Variants in FRYL observed in about 807,000 individuals in gnomAD.
FRYL encodes protein furry homolog-like.
Under a neutral mutation model 351.2 loss-of-function variants are expected in FRYL, and 150 were observed. The ratio of observed to expected loss-of-function variants is 0.43; its 90% CI spans 0.37 to 0.49. FRYL has a LOEUF of 0.49. Among genes scored for constraint, FRYL ranks in the 20% least tolerant of loss-of-function variants. The pLI, the probability that FRYL is intolerant of heterozygous loss-of-function variation, is 0.00. For missense variants in FRYL, 3,036 were observed against 3,619.3 expected (o/e 0.84, Z 4.13); for synonymous variants, 1,153 against 1,257.1 (o/e 0.92, Z 1.75).
intron 13 of FRYL, among the ~76,000 whole-genome samples, chr4:48,597,240 G>A (rs1175337140): frequency 1.3e-5 from 2 of 152,244 alleles, no homozygotes; most frequent in East Asian, 3.9e-4. Flanking sequence ...AGTTCAGCCA[G>A]GAGTTAGGGA....
chr4:48,726,807 C>T (rs1770137658), intron 1 of FRYL, among the ~76,000 whole-genome samples: 1 of 152,174 alleles, frequency 6.6e-6, no homozygotes, highest in Admixed American at 6.5e-5. Context: ...AGACAACTTT[C>T]CCTGAAAGGT....
intron 1 of FRYL, among the ~76,000 whole-genome samples, chr4:48,765,531 G>A (rs1416188849): frequency 6.6e-6 from 1 of 151,470 alleles, no homozygotes; most frequent in Non-Finnish European, 1.5e-5. Flanking sequence ...CATAAGACCT[G>A]AAACCATAAA....
At chr4:48,537,602 G>T (rs1403943231) in intron 47 of FRYL, among the ~76,000 whole-genome samples, 13 of 152,198 alleles carry the variant, frequency 8.5e-5, no homozygotes. Context: ...CCTGCAGGTT[G>T]CTAAAAGCAT....
chr4:48,560,157 A>G (rs1475257465), intron 33 of FRYL, among the ~76,000 whole-genome samples: 1 of 152,192 alleles, frequency 6.6e-6, no homozygotes, highest in Non-Finnish European at 1.5e-5. Context: ...AGAGCTGACA[A>G]CATTTAGAGA....
chr4:48,593,867 C>T, intron 16 of FRYL, 63 bp downstream of exon 16: 1 of 706,362 alleles, frequency 1.4e-6, no homozygotes, highest in Non-Finnish European at 2.2e-6. Context: ...GTTCTGATTC[C>T]AGAAATCATG....
chr4:48,685,039 T>G lies in FRYL; in HGVS notation c.-203-244A>C, dbSNP rs375149724. Among the ~76,000 whole-genome samples, 28 of 152,284 alleles carry G rather than the reference T, an allele frequency of 1.8e-4. No individual in the cohort carries two copies. In the East Asian group the frequency reaches 4.8e-3, roughly 26 times the overall value. On this transcript the variant is annotated intron_variant, in intron 2 of 63. Coordinates refer to ENST00000358350, the MANE Select transcript of FRYL (RefSeq NM_015030.2). ...CCCCACCATTCCCAGCTTCAACAAT[T>G]AACTCATGGCAAATCATGTTTCATT...
At chr4:48,766,022 A>G (rs549338224) in intron 1 of FRYL, among the ~76,000 whole-genome samples, 3 of 152,362 alleles carry the variant, frequency 2.0e-5, no homozygotes, top group East Asian at 3.9e-4. Context: ...ATGCTTGCAT[A>G]CGCTGGTGGG....
intron 23 of FRYL, among the ~76,000 whole-genome samples, chr4:48,577,982 C>CAT (rs996959189): frequency 1.1e-4 from 17 of 149,138 alleles, no homozygotes; most frequent in African/African-American, 2.7e-4. Context: ...AATATATATA[C>CAT]ATATATATAT....
intron 3 of FRYL, among the ~76,000 whole-genome samples, chr4:48,682,210 C>G (rs1268960269): frequency 1.3e-5 from 2 of 152,032 alleles, no homozygotes; most frequent in African/African-American, 2.4e-5. Context: ...CATAGTATTT[C>G]AAAAGATGAA....
intron 1 of FRYL, among the ~76,000 whole-genome samples, chr4:48,711,497 C>T (rs1269120336): frequency 6.6e-6 from 1 of 152,242 alleles, no homozygotes; most frequent in Non-Finnish European, 1.5e-5. Flanking sequence ...TGCAAGGTGG[C>T]AGCGAGGCTA....
intron 2 of FRYL, among the ~76,000 whole-genome samples, chr4:48,705,976 A>G (rs577309590): frequency 6.6e-6 from 1 of 152,294 alleles, no homozygotes; most frequent in African/African-American, 2.4e-5. Flanking sequence ...AGCTGGAACT[A>G]CAGGCACACG....
chr4:48,513,419 A>C (rs1484174130), intron 56 of FRYL, among the ~76,000 whole-genome samples: 1 of 152,218 alleles, frequency 6.6e-6, no homozygotes, highest in East Asian at 1.9e-4. Context: ...TATAATCCCT[A>C]AAGTCAGATT....
chr4:48,696,074 C>T (rs1186185571), intron 2 of FRYL, among the ~76,000 whole-genome samples: 7 of 151,976 alleles, frequency 4.6e-5, no homozygotes, highest in African/African-American at 7.2e-5. Flanking sequence ...TTTACACTGT[C>T]GGTGGGAGGG....
rs1370036223 is a variant in FRYL, at chr4:48,606,752, G to A, written c.573-146C>T. 14 of 520,824 alleles carry A rather than the reference G, an allele frequency of 2.7e-5. No homozygotes were observed. The Middle Eastern group carries it at 2.8e-3, about 104-fold the overall frequency. 32.3% of individuals were successfully genotyped at this position (520,824 alleles called of 1,614,324 possible). A position where few individuals can be genotyped will look rare whatever the true frequency, so the allele number is the denominator to read the frequency against. On this transcript the variant is annotated intron_variant, in intron 9 of 63. Transcript: ENST00000358350. ...TACAATTGCCAGAAAGGCACACAGA[G>A]GAAAATAAAAATTGCTACTCTAAAT...
At chr4:48,711,175 A>G (rs1219505470) in intron 1 of FRYL, among the ~76,000 whole-genome samples, 13 of 152,202 alleles carry the variant, frequency 8.5e-5, no homozygotes, top group Non-Finnish European at 4.4e-5. Flanking sequence ...CATCTGAGGT[A>G]CTGGGTTCAT....
chr4:48,689,216 C>G (rs1765464134), intron 2 of FRYL, among the ~76,000 whole-genome samples: 1 of 152,152 alleles, frequency 6.6e-6, no homozygotes, highest in Non-Finnish European at 1.5e-5. Flanking sequence ...ATTACTTGAT[C>G]TAATGAAAAC....
rs532388401 is a variant in FRYL at position 48,582,007 on chromosome 4, C to T, written c.1987-402G>A. ...TTAGGGCCCTGTTGATTTGCATGCT[C>T]ATTAAAGGTTGAGAAGCTAGGGTGG... is the stretch of plus-strand genomic sequence containing the variant. On this transcript the variant is annotated intron_variant, in intron 20 of 63. Coordinates refer to ENST00000358350, the MANE Select transcript of FRYL (RefSeq NM_015030.2). Among the ~76,000 whole-genome samples the T allele has an allele frequency of 1.0e-3, 156 of 152,246 alleles. 1 individual carries two copies. Among genetic ancestry groups the T allele is most frequent in the African/African-American group, 3.6e-3 (151 of 41,538 alleles).
intron 3 of FRYL, chr4:48,653,608 A>T: frequency 1.5e-6 from 1 of 675,300 alleles, no homozygotes. Flanking sequence ...TGCTATTTTC[A>T]ACAGCTTTTT....
intron 21 of FRYL, among the ~76,000 whole-genome samples, 164 bp from the exon 22 acceptor site, chr4:48,581,115 G>A (rs1237744470): frequency 2.7e-5 from 4 of 149,184 alleles, no homozygotes; most frequent in East Asian, 2.0e-4. Context: ...GCGCCATCTC[G>A]GCTCACTGCA....
Sources: gnomAD v4.1 joint callset for allele counts (sites outside exome capture counted in the v4.1 genomes callset) on GRCh38, gnomAD v4.1.1 for gene constraint, MANE v1.5 for transcripts, NCBI Gene and HGNC (gene_info 2026-07-23, HGNC 2026-07-21) for gene names.